PICALM: variants seen among roughly 807,000 people sequenced by gnomAD.
PICALM encodes phosphatidylinositol binding clathrin assembly protein, also known as phosphatidylinositol-binding clathrin assembly protein.
Under a neutral mutation model 80.5 loss-of-function variants are expected in PICALM, and 40 were observed. The observed-to-expected ratio is 0.50, with a 90% CI of 0.39 to 0.65. The LOEUF (loss-of-function observed/expected upper bound fraction) is 0.65, where lower values mean the gene tolerates loss of function less well. Ranked by LOEUF, PICALM falls within the 30% of genes least tolerant of loss-of-function variation. PICALM has a pLI of 0.00. For synonymous variants in PICALM, 288 were observed against 260.3 expected, an observed-to-expected ratio of 1.11 and a Z score of -1.02; for missense variants, 676 against 778.9, an observed-to-expected ratio of 0.87 and a Z score of 1.57.
chr11:85,969,415 T>G (rs906138497), intron 19 of PICALM, among the ~76,000 whole-genome samples: 3 of 152,188 alleles, frequency 2.0e-5, no homozygotes, highest in Middle Eastern at 3.2e-3. Flanking sequence ...AAGATTCCAT[T>G]TTGATGGAAT....
chr11:86,011,851 GTTTTT>G (rs71040204), intron 6 of PICALM, among the ~76,000 whole-genome samples: 1 of 132,974 alleles, frequency 7.5e-6, no homozygotes, highest in Non-Finnish European at 1.6e-5. Flanking sequence ...TATCCTTTTT[GTTTTT>G]TTTTTTTTTT....
At chr11:86,031,444 C>A (rs1478213754) in intron 2 of PICALM, 25 bp downstream of exon 2, 1 of 1,587,226 alleles carries the variant, frequency 6.3e-7, no homozygotes, top group East Asian at 2.2e-5. Flanking sequence ...CATCAGTATA[C>A]TTGTTCAATA....
intron 1 of PICALM, among the ~76,000 whole-genome samples, chr11:86,057,854 T>TACA (rs1236629635): frequency 6.6e-6 from 1 of 152,212 alleles, no homozygotes; most frequent in Admixed American, 6.5e-5. Context: ...AATGTCATTT[T>TACA]ACATCAGGGA....
At position 86,031,492 on chromosome 11, in the gene PICALM, G is replaced by A. The variant is rs948382845; in HGVS notation, c.250C>T (p.His84Tyr). The A allele has an allele frequency of 5.6e-6, 9 of 1,612,180 alleles. No individual in the cohort carries two copies. The highest frequency in any genetic ancestry group is 7.6e-6 in the Non-Finnish European group (9 of 1,179,290). Reference protein sequence around the residue: ...VVFKSLITTHHLMVYGNERFI... With the variant: ...VVFKSLITTHYLMVYGNERFI... ...ACCTCATTTCCATACACCATCAAAT[G>A]ATGAGTTGTAATGAGAGATTTGAAG... is the stretch of plus-strand genomic sequence containing the variant. The change falls in exon 2 of 20, where the codon CAT becomes TAT. Residue 84 changes from histidine (H) to tyrosine (Y), a missense_variant. Physicochemically the swap from His to Tyr is moderately conservative, Grantham distance 83. Around this residue, in one of 2 missense-constraint regions of PICALM, gnomAD observed 285 missense variants for 395.4 expected, o/e 0.72. Coordinates refer to ENST00000393346, the MANE Select transcript of PICALM (RefSeq NM_007166.4).
At position 85,958,873 on chromosome 11, in the gene PICALM, T is replaced by G; in HGVS notation, c.*173A>C. 7.3e-6 allele frequency: 4 copies of G among 547,942 alleles called. No individual in the cohort carries two copies. Among genetic ancestry groups the G allele is most frequent in the Non-Finnish European group, 1.3e-5 (4 of 297,914 alleles). The allele number at this position is 547,942 out of a possible 1,614,324, so 33.9% of individuals were successfully genotyped here. A position where few individuals can be genotyped will look rare whatever the true frequency, so the allele number is the denominator to read the frequency against. ...TATAAACTGTATTGATACGTTCTCC[T>G]ATAAACTAGTCCCAATTTCCTTCAT... On this transcript the variant is annotated 3_prime_UTR_variant, in exon 20 of 20. Transcript: ENST00000393346.
At chr11:86,060,705 A>G (rs1347004782) in intron 1 of PICALM, among the ~76,000 whole-genome samples, 3 of 151,422 alleles carry the variant, frequency 2.0e-5, no homozygotes, top group African/African-American at 7.3e-5. Context: ...CTTTTCAACA[A>G]ATAGTACTGC....
rs1031234113 is a variant in PICALM, at chr11:85,993,412, CT to C, written c.1259-3014del. 3.3e-4 allele frequency among the ~76,000 whole-genome samples: 50 copies of C among 150,538 alleles called. 1 individual carries two copies. Among genetic ancestry groups the C allele is most frequent in the African/African-American group, 1.1e-3 (45 of 41,018 alleles). On this transcript the variant is annotated intron_variant, in intron 12 of 19. Coordinates refer to ENST00000393346, the MANE Select transcript of PICALM (RefSeq NM_007166.4). The stretch of plus-strand genomic sequence containing the variant: ...AAAATTTTTAAATATAGTTTTGTCC[CT>C]TTTTTTTTCATTATTCATTCAAGTT...
chr11:86,055,622 T>C (rs1348576632), intron 1 of PICALM, among the ~76,000 whole-genome samples: 1 of 151,778 alleles, frequency 6.6e-6, no homozygotes, highest in African/African-American at 2.4e-5. Flanking sequence ...GGTAGTAGAG[T>C]TGTATTCCAT....
chr11:85,989,089 T>G (rs2094681062), intron 13 of PICALM, among the ~76,000 whole-genome samples: 1 of 152,226 alleles, frequency 6.6e-6, no homozygotes. Flanking sequence ...TTGTATCAGA[T>G]AAATGTCTTC....
chr11:85,993,608 T>G (rs1248501222), intron 12 of PICALM, among the ~76,000 whole-genome samples: 2 of 151,894 alleles, frequency 1.3e-5, no homozygotes, highest in Non-Finnish European at 2.9e-5. Flanking sequence ...CCAGCTAATT[T>G]TTACATTTTT....
chr11:85,979,126 C>T (rs1246834010), intron 17 of PICALM, among the ~76,000 whole-genome samples: 1 of 152,126 alleles, frequency 6.6e-6, no homozygotes, highest in East Asian at 1.9e-4. Flanking sequence ...AAGACAGCAA[C>T]ATTTACATGT....
intron 13 of PICALM, 45 bp downstream of exon 13, chr11:85,990,205 G>C (rs759494349): frequency 3.6e-6 from 4 of 1,111,516 alleles, no homozygotes; most frequent in South Asian, 1.6e-5. Flanking sequence ...ATATAGTTAG[G>C]CAGTATAAAC....
chr11:85,998,740 T>C (rs988224742), intron 11 of PICALM, among the ~76,000 whole-genome samples: 1 of 152,106 alleles, frequency 6.6e-6, no homozygotes, highest in Admixed American at 6.5e-5. Context: ...GCTGTGCCAC[T>C]GCACTCCAGC....
intron 19 of PICALM, among the ~76,000 whole-genome samples, chr11:85,960,477 T>C (rs1313874775): frequency 6.6e-6 from 1 of 152,230 alleles, no homozygotes; most frequent in Non-Finnish European, 1.5e-5. Context: ...AATAATTATG[T>C]TACAGATATT....
chr11:86,068,599 G>A, intron 1 of PICALM, 52 bp downstream of exon 1: 1 of 1,557,978 alleles, frequency 6.4e-7, no homozygotes, highest in Non-Finnish European at 8.7e-7. Context: ...AGAAGGACGC[G>A]CGCGGGTCGC....
Position 85,958,916 on chromosome 11 carries a change from C to A in PICALM, c.*130G>T. On this transcript the variant is annotated 3_prime_UTR_variant, in exon 20 of 20. Transcript: ENST00000393346. ...TCCTTCATGGGCCTTCACTGAGTTACTTGTAGCATTCTAATGGAAGAAGAG... is the reference window on the plus strand; with the variant it reads ...TCCTTCATGGGCCTTCACTGAGTTAATTGTAGCATTCTAATGGAAGAAGAG... 1 of 621,644 alleles carries A rather than the reference C, an allele frequency of 1.6e-6. No individual in the cohort carries two copies. The highest frequency in any genetic ancestry group is 2.9e-6 in the Non-Finnish European group (1 of 349,000). 38.5% of individuals were successfully genotyped at this position (621,644 alleles called of 1,614,324 possible).
At chr11:85,979,015 T>G (rs986254630) in intron 17 of PICALM, among the ~76,000 whole-genome samples, 1 of 152,002 alleles carries the variant, frequency 6.6e-6, no homozygotes, top group Non-Finnish European at 1.5e-5. Flanking sequence ...GGATTCAGAG[T>G]CAAAGAGATG....
intron 19 of PICALM, among the ~76,000 whole-genome samples, chr11:85,974,020 T>C (rs952110115): frequency 6.6e-6 from 1 of 152,028 alleles, no homozygotes; most frequent in Middle Eastern, 3.4e-3. Context: ...ATTTCCTATA[T>C]CTTCTAACCG....
intron 19 of PICALM, among the ~76,000 whole-genome samples, chr11:85,970,801 AC>A (rs999075769): frequency 5.3e-5 from 8 of 152,132 alleles, no homozygotes; most frequent in Admixed American, 5.2e-4. Flanking sequence ...AGACTCCATT[AC>A]CCACACACAA....
Sources: allele counts gnomAD v4.1 joint callset (sites outside exome capture counted in the v4.1 genomes callset), GRCh38; gene constraint gnomAD v4.1.1; regional missense constraint gnomAD v4.1.1; transcripts MANE v1.5; gene names NCBI Gene and HGNC (gene_info 2026-07-23, HGNC 2026-07-21).